The following ATRNL1 variants were observed in gnomAD, a reference collection of about 807,000 sequenced individuals.
ATRNL1 encodes the protein attractin-like protein 1.
A neutral mutation model predicts 182.7 loss-of-function variants in ATRNL1; 95 were observed. The ratio of observed to expected loss-of-function variants is 0.52; its 90% CI spans 0.44 to 0.62. The LOEUF (loss-of-function observed/expected upper bound fraction) is 0.62, where lower values mean the gene tolerates loss of function less well. Ranked by LOEUF, ATRNL1 falls within the 20% of genes least tolerant of loss-of-function variation. The pLI, the probability that ATRNL1 is intolerant of heterozygous loss-of-function variation, is 0.00. For synonymous variants in ATRNL1, 576 were observed against 568.3 expected (o/e 1.01, Z -0.19); for missense variants, 1,471 against 1,679.5 (o/e 0.88, Z 2.17).
At chr10:115,464,848 AATCCACTCCTCAGAGC>A (rs1847976811) in intron 22 of ATRNL1, among the ~76,000 whole-genome samples, 1 of 151,610 alleles carries the variant, frequency 6.6e-6, no homozygotes, top group Non-Finnish European at 1.5e-5. Flanking sequence ...ATAGTAAAAA[AATCCACTCCTCAGAGC>A]ATGTCCTTTT....
At chr10:115,755,175 T>C (rs1465324813) in intron 27 of ATRNL1, among the ~76,000 whole-genome samples, 3 of 152,204 alleles carry the variant, frequency 2.0e-5, no homozygotes, top group African/African-American at 7.2e-5. Context: ...TTCTCTTGTC[T>C]GATTGCCCTG....
intron 26 of ATRNL1, among the ~76,000 whole-genome samples, chr10:115,589,729 T>C (rs1157572799): frequency 1.3e-5 from 2 of 152,208 alleles, no homozygotes; most frequent in East Asian, 1.9e-4. Flanking sequence ...TGAATTATAT[T>C]GCTTTGATCT....
chr10:115,384,096 G>T (rs1057413448), intron 19 of ATRNL1, among the ~76,000 whole-genome samples: 2 of 151,986 alleles, frequency 1.3e-5, no homozygotes, highest in Admixed American at 6.5e-5. Context: ...TTGAAAAAGT[G>T]TGAGTTTGTG....
chr10:115,628,917 T>C (rs1242055864), intron 26 of ATRNL1, among the ~76,000 whole-genome samples: 2 of 152,208 alleles, frequency 1.3e-5, no homozygotes, highest in Non-Finnish European at 2.9e-5. Flanking sequence ...TATTCTTTCC[T>C]AATTGAATAG....
intron 15 of ATRNL1, among the ~76,000 whole-genome samples, chr10:115,291,861 T>C (rs1554920986): frequency 6.6e-6 from 1 of 151,192 alleles, no homozygotes; most frequent in Admixed American, 6.6e-5. Flanking sequence ...GTATCAGTGT[T>C]ATGCTGACCT....
At chr10:115,782,704 C>T (rs1949294827) in intron 27 of ATRNL1, among the ~76,000 whole-genome samples, 1 of 152,196 alleles carries the variant, frequency 6.6e-6, no homozygotes, top group Non-Finnish European at 1.5e-5. Context: ...TTTTACCTCT[C>T]TGACCTTCAG....
chr10:115,652,414 T>G (rs1160369218), intron 26 of ATRNL1, among the ~76,000 whole-genome samples: 1 of 152,102 alleles, frequency 6.6e-6, no homozygotes, highest in African/African-American at 2.4e-5. Context: ...CACTGACCAG[T>G]AATAATAAGT....
At chr10:115,342,074 GTTC>G (rs1855776992) in intron 19 of ATRNL1, among the ~76,000 whole-genome samples, 1 of 151,884 alleles carries the variant, frequency 6.6e-6, no homozygotes. Flanking sequence ...GTTGTTTTGT[GTTC>G]TTCTCTTCCT....
At chr10:115,192,563 G>T (rs1848208467) in intron 8 of ATRNL1, among the ~76,000 whole-genome samples, 1 of 151,896 alleles carries the variant, frequency 6.6e-6, no homozygotes, top group Non-Finnish European at 1.5e-5. Flanking sequence ...TGCTCAGGAT[G>T]GCTTTGGCTA....
chr10:115,932,238 C>A (rs998997802), intron 28 of ATRNL1, among the ~76,000 whole-genome samples: 4 of 152,170 alleles, frequency 2.6e-5, no homozygotes, highest in Non-Finnish European at 4.4e-5. Flanking sequence ...AAACGACTTT[C>A]CAAAAGTCCC....
At chr10:115,863,241 G>C (rs1951356594) in intron 28 of ATRNL1, among the ~76,000 whole-genome samples, 1 of 152,124 alleles carries the variant, frequency 6.6e-6, no homozygotes, top group South Asian at 2.1e-4. Context: ...AATACGAACT[G>C]TAAAAAATGA....
intron 26 of ATRNL1, among the ~76,000 whole-genome samples, chr10:115,588,175 G>C (rs1473970243): frequency 1.3e-5 from 2 of 152,100 alleles, no homozygotes; most frequent in Non-Finnish European, 2.9e-5. Flanking sequence ...GCATCAGTTT[G>C]GCTCTCCGGA....
intron 19 of ATRNL1, among the ~76,000 whole-genome samples, chr10:115,354,995 G>C (rs1299280554): frequency 2.0e-5 from 3 of 151,806 alleles, no homozygotes; most frequent in East Asian, 3.9e-4. Context: ...GACTTTTTCA[G>C]CTCGAGTGAT....
At chr10:115,145,767 T>A (rs1281229105) in intron 5 of ATRNL1, among the ~76,000 whole-genome samples, 1 of 152,154 alleles carries the variant, frequency 6.6e-6, no homozygotes, top group Non-Finnish European at 1.5e-5. Flanking sequence ...CCCCTCTTGC[T>A]CTTAAAATCT....
chr10:115,242,654 A>C (rs567010785), intron 10 of ATRNL1, among the ~76,000 whole-genome samples: 1 of 151,972 alleles, frequency 6.6e-6, no homozygotes. Context: ...TGCTTTGGTA[A>C]ATTATTTCAA....
At chr10:115,095,371 T>G (rs1205797578) in intron 1 of ATRNL1, among the ~76,000 whole-genome samples, 1,577 of 149,370 alleles carry the variant, frequency 0.011, 18 homozygotes, top group Non-Finnish European at 0.013. Flanking sequence ...TTTTTTTTTT[T>G]TTTTAAAAAA....
intron 17 of ATRNL1, among the ~76,000 whole-genome samples, chr10:115,311,448 A>C (rs1592425436): frequency 6.6e-6 from 1 of 152,030 alleles, no homozygotes; most frequent in East Asian, 1.9e-4. Flanking sequence ...TGTCCTCCCA[A>C]AGTGCTGGGA....
At chr10:115,941,614 G>A (rs111806204) in intron 28 of ATRNL1, among the ~76,000 whole-genome samples, 5 of 152,164 alleles carry the variant, frequency 3.3e-5, no homozygotes, top group Non-Finnish European at 7.3e-5. Context: ...AGTGTAAGTG[G>A]TCTCTGTCCA....
chr10:115,465,548 G>A (rs1323849959), intron 22 of ATRNL1, among the ~76,000 whole-genome samples: 1 of 151,548 alleles, frequency 6.6e-6, no homozygotes, highest in Non-Finnish European at 1.5e-5. Context: ...TTTGTGGCAT[G>A]TACTGCAGAA....
Sources: gnomAD v4.1 joint callset for allele counts (sites outside exome capture counted in the v4.1 genomes callset) on GRCh38, gnomAD v4.1.1 for gene constraint, MANE v1.5 for transcripts, NCBI Gene and HGNC (gene_info 2026-07-23, HGNC 2026-07-21) for gene names.